The following YJU2 variants were observed in gnomAD, a reference collection of about 807,000 sequenced individuals.
YJU2 encodes the protein YJU2 splicing factor homolog.
Under a neutral mutation model 39.6 loss-of-function variants are expected in YJU2, and 28 were observed. The ratio of observed to expected loss-of-function variants is 0.71; its 90% CI spans 0.52 to 0.97. The LOEUF (loss-of-function observed/expected upper bound fraction) is 0.97, where lower values mean the gene tolerates loss of function less well. Among genes scored for constraint, YJU2 ranks in the 50% least tolerant of loss-of-function variants. YJU2 has a pLI of 0.00. For missense variants in YJU2, 328 were observed against 430.4 expected, an observed-to-expected ratio of 0.76 and a Z score of 2.11; for synonymous variants, 184 against 182.4, an observed-to-expected ratio of 1.01 and a Z score of -0.07.
At position 4,250,987 on chromosome 19, in the gene YJU2, C is replaced by T. The variant is rs372642109; in HGVS notation, c.126-40C>T. The T allele has an allele frequency of 7.6e-5, 121 of 1,585,830 alleles. No homozygotes were observed. The East Asian group carries it at 2.0e-3, about 26-fold the overall frequency. ...GGGACAGCCTGCCAGTGGGAGCCAG[C>T]GTCCCAAGACAGCTCACATCCCTAC... On this transcript the variant is annotated intron_variant, in intron 2 of 7. Coordinates refer to ENST00000262962, the MANE Select transcript of YJU2 (RefSeq NM_018074.6).
At chr19:4,249,112 G>A (rs1333814112) in intron 1 of YJU2, 116 bp from the exon 2 acceptor site, 1 of 652,270 alleles carries the variant, frequency 1.5e-6, no homozygotes, top group Non-Finnish European at 2.7e-6. Flanking sequence ...GCCTGTCGCG[G>A]AACCTGGGGT....
At chr19:4,252,321 G>A (rs1009478713) in intron 3 of YJU2, among the ~76,000 whole-genome samples, 13 of 152,064 alleles carry the variant, frequency 8.5e-5, no homozygotes, top group Admixed American at 1.3e-4. Context: ...AAAATAGGCC[G>A]GGCGCAGTGG....
Position 4,268,582 on chromosome 19 carries a change from A to G in YJU2, c.860-2A>G, listed in dbSNP as rs1971136088. 1.2e-6 allele frequency: 2 copies of G among 1,607,948 alleles called. No individual in the cohort carries two copies. Among genetic ancestry groups the G allele is most frequent in the African/African-American group, 2.7e-5 (2 of 74,910 alleles). ...ATGAGCTAACTCTCGCTCTCCCACC[A>G]GGAGCCCCGCAGAACAGGAAGGAGG... On this transcript the variant is annotated splice_acceptor_variant, in intron 7 of 7. Coordinates refer to ENST00000262962, the MANE Select transcript of YJU2 (RefSeq NM_018074.6). LOFTEE classifies it high-confidence loss of function.
At chr19:4,248,319 A>G (rs1025424652) in intron 1 of YJU2, 1 of 152,172 alleles carries the variant, frequency 6.6e-6, no homozygotes, top group Admixed American at 6.6e-5. Context: ...TGTTTGGAGC[A>G]CCTACTGGGT....
Position 4,249,252 on chromosome 19 carries a change from C to T in YJU2, c.49C>T (p.Pro17Ser), listed in dbSNP as rs868480055. 1 of 1,613,398 alleles carries T rather than the reference C, an allele frequency of 6.2e-7. No individual in the cohort carries two copies. The highest frequency in any genetic ancestry group is 1.3e-5 in the African/African-American group (1 of 75,018). ...GAAATACTACCCGCCGGACTTTGAC[C>T]CATCAAAGATCCCCAAACTCAAGCT... ...LNKYYPPDFDPSKIPKLKLPK... is the reference protein window; with the variant it reads ...LNKYYPPDFDSSKIPKLKLPK... The change falls in exon 2 of 8, where the codon CCA (proline) becomes TCA (serine). Residue 17 changes from proline (P) to serine (S), a missense_variant. Physicochemically the swap from Pro to Ser is moderately conservative, Grantham distance 74. Coordinates refer to ENST00000262962, the MANE Select transcript of YJU2 (RefSeq NM_018074.6).
chr19:4,268,521 G>C (rs867167111), intron 7 of YJU2, 63 bp from the exon 8 acceptor site: 2 of 1,227,786 alleles, frequency 1.6e-6, no homozygotes, highest in Non-Finnish European at 2.3e-6. Flanking sequence ...GGCCGGCCCC[G>C]TGCCTTGTCC....
chr19:4,259,996 G>A (rs1185924345), intron 5 of YJU2, among the ~76,000 whole-genome samples: 2 of 152,070 alleles, frequency 1.3e-5, no homozygotes, highest in Non-Finnish European at 2.9e-5. Flanking sequence ...ATCATGGAGG[G>A]GACTGAGGTC....
chr19:4,258,004 C>G (rs1971036086), intron 4 of YJU2, among the ~76,000 whole-genome samples: 2 of 152,224 alleles, frequency 1.3e-5, no homozygotes, highest in African/African-American at 4.8e-5. Flanking sequence ...TGCCCCAGGG[C>G]TCAGATCCCG....
chr19:4,257,356 C>T (rs763364482), intron 4 of YJU2, among the ~76,000 whole-genome samples: 19 of 152,332 alleles, frequency 1.2e-4, no homozygotes, highest in Non-Finnish European at 1.9e-4. Context: ...TGCATTGGCA[C>T]GATCTGAGCT....
chr19:4,268,147 G>C (rs1356482988), intron 7 of YJU2, among the ~76,000 whole-genome samples: 1 of 152,054 alleles, frequency 6.6e-6, no homozygotes, highest in East Asian at 1.9e-4. Context: ...ATTTCTCCAT[G>C]TTGGTCAGGC....
At chr19:4,252,616 ATAAAT>A (rs1970986553) in intron 3 of YJU2, among the ~76,000 whole-genome samples, 1 of 151,762 alleles carries the variant, frequency 6.6e-6, no homozygotes, top group Non-Finnish European at 1.5e-5. Flanking sequence ...AAATAAATAA[ATAAAT>A]TAATAATAAT....
At chr19:4,257,989 C>A (rs977101879) in intron 4 of YJU2, among the ~76,000 whole-genome samples, 1 of 152,240 alleles carries the variant, frequency 6.6e-6, no homozygotes, top group Non-Finnish European at 1.5e-5. Context: ...CTTTCCACCC[C>A]ACCCTGCCCC....
At chr19:4,255,727 CA>C (rs58736061) in intron 4 of YJU2, among the ~76,000 whole-genome samples, 1,219 of 103,696 alleles carry the variant, frequency 0.012, 16 homozygotes, top group African/African-American at 0.032. Context: ...GATTCTGTGT[CA>C]AAAAAAAAAA....
intron 6 of YJU2, among the ~76,000 whole-genome samples, chr19:4,264,338 T>C (rs1410462961): frequency 6.6e-6 from 1 of 151,150 alleles, no homozygotes; most frequent in Non-Finnish European, 1.5e-5. Context: ...CACAGGGTCT[T>C]ACTCTGTTGC....
chr19:4,250,429 G>T (rs1308476932), intron 2 of YJU2, among the ~76,000 whole-genome samples: 2 of 152,096 alleles, frequency 1.3e-5, no homozygotes, highest in Non-Finnish European at 2.9e-5. Flanking sequence ...CAGGTGCACG[G>T]GCCCCCGAAG....
At position 4,247,114 on chromosome 19, in the gene YJU2, C is replaced by T. The variant is rs373676911; in HGVS notation, c.-33C>T. On this transcript the variant is annotated 5_prime_UTR_variant, in exon 1 of 8. Transcript: ENST00000262962. Reference sequence around the variant, plus strand: ...CGATAATTACCCAGCCTAACCATTTCTCAGGTGCTTGCGAGGTGATCAGAA... The same window carrying T: ...CGATAATTACCCAGCCTAACCATTTTTCAGGTGCTTGCGAGGTGATCAGAA... The T allele has an allele frequency of 1.1e-5, 18 of 1,610,526 alleles. No individual in the cohort carries two copies. The African/African-American group carries it at 2.1e-4, about 19-fold the overall frequency.
intron 3 of YJU2, among the ~76,000 whole-genome samples, chr19:4,253,953 A>G (rs1046494673): frequency 6.6e-6 from 1 of 152,016 alleles, no homozygotes; most frequent in Non-Finnish European, 1.5e-5. Flanking sequence ...GATTACAGGC[A>G]TGCACCACCT....
At chr19:4,247,716 G>C (rs1313491407) in intron 1 of YJU2, among the ~76,000 whole-genome samples, 3 of 144,808 alleles carry the variant, frequency 2.1e-5, no homozygotes, top group Non-Finnish European at 4.5e-5. Flanking sequence ...TTTTTACTGG[G>C]GTCTGGTCAT....
At chr19:4,262,596 G>A (rs1971080971) in intron 6 of YJU2, among the ~76,000 whole-genome samples, 2 of 152,122 alleles carry the variant, frequency 1.3e-5, no homozygotes, top group South Asian at 4.1e-4. Flanking sequence ...ATAAGTGGGT[G>A]TTGCCTGGTG....
Sources: gnomAD v4.1 joint callset for allele counts (sites outside exome capture counted in the v4.1 genomes callset) on GRCh38, gnomAD v4.1.1 for gene constraint, MANE v1.5 for transcripts, NCBI Gene and HGNC (gene_info 2026-07-23, HGNC 2026-07-21) for gene names.